The following ANKRD10 variants were observed in gnomAD, a reference collection of about 807,000 sequenced individuals.
ANKRD10 encodes ankyrin repeat domain 10.
A neutral mutation model predicts 27.0 loss-of-function variants in ANKRD10; 14 were observed. That is an observed-to-expected ratio of 0.52 (90% CI 0.34 to 0.81). The LOEUF (loss-of-function observed/expected upper bound fraction) is 0.81, where lower values mean the gene tolerates loss of function less well. Among genes scored for constraint, ANKRD10 ranks in the 40% least tolerant of loss-of-function variants. The pLI is 0.01. For missense variants in ANKRD10, 493 were observed against 544.0 expected (o/e 0.91, Z 0.93); for synonymous variants, 250 against 224.5 (o/e 1.11, Z -1.01).
At chr13:110,906,652 T>C (rs550433210) in intron 2 of ANKRD10, among the ~76,000 whole-genome samples, 5 of 152,298 alleles carry the variant, frequency 3.3e-5, no homozygotes, top group South Asian at 2.1e-4. Flanking sequence ...TTAGACAAGA[T>C]GGCTTGAGGT....
At chr13:110,909,351 G>C (rs1293639729) in intron 2 of ANKRD10, among the ~76,000 whole-genome samples, 1 of 152,142 alleles carries the variant, frequency 6.6e-6, no homozygotes, top group African/African-American at 2.4e-5. Flanking sequence ...TTTCTACCAG[G>C]GGACAGGGGT....
At position 110,879,688 on chromosome 13, in the gene ANKRD10, C is replaced by T. The variant is rs965594793; in HGVS notation, c.1212G>A (p.Glu404=). The T allele has an allele frequency of 2.5e-6, 4 of 1,614,040 alleles. No homozygotes were observed. In the African/African-American group the frequency reaches 4.0e-5, roughly 16 times the overall value. The change falls in exon 6 of 6, where the codon GAG becomes GAA. Residue 404 remains glutamate (E), a synonymous_variant. Coordinates refer to ENST00000267339, the MANE Select transcript of ANKRD10 (RefSeq NM_017664.4). ...VEHSKSVKVQ[E]RYDSAVLGTM... The stretch of plus-strand genomic sequence containing the variant: ...TGCCCAGCACGGCACTGTCGTACCG[C>T]TCCTGCACCTTCACGGACTTGGAAT...
At chr13:110,885,258 A>AG (rs961642536) in intron 4 of ANKRD10, among the ~76,000 whole-genome samples, 2 of 150,492 alleles carry the variant, frequency 1.3e-5, no homozygotes, top group African/African-American at 4.9e-5. Context: ...AAAAAGAGAG[A>AG]GAAAAAAAAA....
intron 5 of ANKRD10, among the ~76,000 whole-genome samples, chr13:110,882,534 TA>T (rs2064839453): frequency 6.6e-6 from 1 of 152,204 alleles, no homozygotes; most frequent in African/African-American, 2.4e-5. Context: ...GTTTAACAAA[TA>T]ACTAATGTCT....
At chr13:110,881,393 G>A (rs1245986583) in intron 5 of ANKRD10, among the ~76,000 whole-genome samples, 1 of 152,160 alleles carries the variant, frequency 6.6e-6, no homozygotes, top group Non-Finnish European at 1.5e-5. Flanking sequence ...TGTCCTGCAA[G>A]TCTTCCTGCC....
chr13:110,909,935 G>T (rs886766172), intron 2 of ANKRD10, among the ~76,000 whole-genome samples: 2 of 152,202 alleles, frequency 1.3e-5, no homozygotes, highest in Admixed American at 1.3e-4. Context: ...TTAGTCTAAG[G>T]ACTAATCCAT....
At chr13:110,898,243 G>GT (rs2065281279) in intron 3 of ANKRD10, among the ~76,000 whole-genome samples, 1 of 152,160 alleles carries the variant, frequency 6.6e-6, no homozygotes, top group Admixed American at 6.5e-5. Context: ...TAACTTCAAA[G>GT]TTTGAGTTCC....
chr13:110,881,270 C>T (rs1343666146), intron 5 of ANKRD10, among the ~76,000 whole-genome samples: 6 of 152,248 alleles, frequency 3.9e-5, no homozygotes, highest in East Asian at 1.9e-4. Context: ...AGAATGAGGA[C>T]GCAGCTTAAA....
chr13:110,895,511 T>A (rs2065203404), intron 3 of ANKRD10, among the ~76,000 whole-genome samples: 1 of 151,986 alleles, frequency 6.6e-6, no homozygotes, highest in Admixed American at 6.6e-5. Context: ...CGCTTGAACC[T>A]GGGAGGCAGA....
intron 4 of ANKRD10, among the ~76,000 whole-genome samples, chr13:110,890,541 A>G (rs1241806391): frequency 1.3e-5 from 2 of 152,252 alleles, no homozygotes; most frequent in African/African-American, 4.8e-5. Context: ...CCAGGAAATT[A>G]GTAAAGTCAT....
In ANKRD10 at chr13:110,906,140, G is replaced by A. The variant is rs1273072012; in HGVS notation, c.364-16C>T. 6.3e-7 allele frequency: 1 copy of A among 1,577,526 alleles called. No individual in the cohort carries two copies. The highest frequency in any genetic ancestry group is 1.1e-5 in the South Asian group (1 of 87,222). The stretch of plus-strand genomic sequence containing the variant: ...CCTCACAATCCTGAAACAACAAAAA[G>A]CAAAATATACACATACTTAGAACAA... On this transcript the variant is annotated splice_polypyrimidine_tract_variant and intron_variant, in intron 2 of 5. Transcript: ENST00000267339.
intron 2 of ANKRD10, among the ~76,000 whole-genome samples, chr13:110,909,270 T>C (rs1594635710): frequency 1.3e-5 from 2 of 152,342 alleles, no homozygotes; most frequent in African/African-American, 4.8e-5. Flanking sequence ...AATTATTAAC[T>C]GTATTTTACT....
chr13:110,914,952 C>G lies in ANKRD10; in HGVS notation c.-18G>C. 6.6e-7 allele frequency: 1 copy of G among 1,526,082 alleles called. No individual in the cohort carries two copies. The highest frequency in any genetic ancestry group is 8.8e-7 in the Non-Finnish European group (1 of 1,142,060). 94.5% of individuals were successfully genotyped at this position (1,526,082 alleles called of 1,614,324 possible). ...GCCGACATGGTCCGTCACCGGAGAG[C>G]GCGGGGCTCGCTGGCCTAGAGGACG... On this transcript the variant is annotated 5_prime_UTR_variant, in exon 1 of 6. Transcript: ENST00000267339.
Position 110,880,042 on chromosome 13 carries a change from G to A in ANKRD10, c.858C>T (p.Phe286=), listed in dbSNP as rs768817174. The change falls in exon 6 of 6, where the codon TTC becomes TTT. Residue 286 remains phenylalanine, a synonymous_variant. Coordinates refer to ENST00000267339, the MANE Select transcript of ANKRD10 (RefSeq NM_017664.4). ...TCCCACTGAGCGGGGTCGTGGAGGG[G>A]AAGTCCAAATGTCCATTGATGACAC... ...NGCVINGHLD[F]PSTTPLSGME... is the part of the protein sequence containing the mutation. 1.2e-6 allele frequency: 2 copies of A among 1,614,068 alleles called. No individual in the cohort carries two copies.
intron 5 of ANKRD10, among the ~76,000 whole-genome samples, chr13:110,881,013 G>A (rs1343832938): frequency 2.6e-5 from 4 of 152,192 alleles, no homozygotes; most frequent in African/African-American, 9.7e-5. Flanking sequence ...GGAGGGAGAC[G>A]TCTTATGGGA....
intron 4 of ANKRD10, among the ~76,000 whole-genome samples, chr13:110,887,263 G>C: frequency 6.6e-6 from 1 of 152,212 alleles, no homozygotes; most frequent in East Asian, 1.9e-4. Flanking sequence ...CTCTGTAACT[G>C]TATGAGCTAT....
In ANKRD10 at chr13:110,915,026, C is replaced by T. The variant is rs977743813; in HGVS notation, c.-92G>A. The T allele has an allele frequency of 9.0e-6, 13 of 1,447,684 alleles. No homozygotes were observed. The highest frequency in any genetic ancestry group is 2.6e-5 in the East Asian group (1 of 38,310). The allele number at this position is 1,447,684 out of a possible 1,614,324, so 89.7% of individuals were successfully genotyped here. On this transcript the variant is annotated 5_prime_UTR_variant, in exon 1 of 6. Transcript: ENST00000267339. ...GCCGCCGCAGCACAAAGGAACGAGA[C>T]TAGCGCCGCGGTCGCGTCCCACAGG...
chr13:110,896,960 G>A (rs2065241396), intron 3 of ANKRD10, among the ~76,000 whole-genome samples: 1 of 141,800 alleles, frequency 7.1e-6, no homozygotes, highest in Non-Finnish European at 1.5e-5. Flanking sequence ...GGGGTACATT[G>A]TAAATTCCAA....
intron 3 of ANKRD10, among the ~76,000 whole-genome samples, chr13:110,897,236 C>T (rs2065250860): frequency 6.6e-6 from 1 of 151,528 alleles, no homozygotes; most frequent in Non-Finnish European, 1.5e-5. Context: ...AGGGATCCTC[C>T]TTAGCCTCAG....
Sources: gnomAD v4.1 joint callset for allele counts (sites outside exome capture counted in the v4.1 genomes callset) on GRCh38, gnomAD v4.1.1 for gene constraint, MANE v1.5 for transcripts, NCBI Gene and HGNC (gene_info 2026-07-23, HGNC 2026-07-21) for gene names.